PTGER4: variants seen among roughly 807,000 people sequenced by gnomAD.
PTGER4 encodes prostaglandin E receptor 4.
Under a neutral mutation model 33.2 loss-of-function variants are expected in PTGER4, and 11 were observed. That is an observed-to-expected ratio of 0.33 (90% CI 0.21 to 0.55). The LOEUF (loss-of-function observed/expected upper bound fraction) is 0.55, where lower values mean the gene tolerates loss of function less well. PTGER4 is among the 20% of genes least tolerant of loss of function. The probability of loss-of-function intolerance (pLI) is 0.92; values close to 1 mark genes in which losing one functional copy is unlikely to be tolerated. For synonymous variants in PTGER4, 275 were observed against 281.5 expected, an observed-to-expected ratio of 0.98 and a Z score of 0.23; for missense variants, 481 against 650.2, an observed-to-expected ratio of 0.74 and a Z score of 2.83.
intron 2 of PTGER4, among the ~76,000 whole-genome samples, chr5:40,682,098 T>C (rs1198526837): frequency 6.6e-6 from 1 of 150,932 alleles, no homozygotes; most frequent in Non-Finnish European, 1.5e-5. Context: ...CCCGGAAGCC[T>C]GGGTTTCTTT....
chr5:40,695,085 T>C (rs1308618852), downstream of PTGER4, among the ~76,000 whole-genome samples: 1 of 137,228 alleles, frequency 7.3e-6, no homozygotes, highest in Non-Finnish European at 1.6e-5. Context: ...AGATCAAGTG[T>C]GTTAGAAAAG....
At position 40,691,790 on chromosome 5, in the gene PTGER4, C is replaced by T. The variant is rs1250852441; in HGVS notation, c.879C>T (p.Phe293=). 3.7e-6 allele frequency: 6 copies of T among 1,612,760 alleles called. No homozygotes were observed. Among genetic ancestry groups the T allele is most frequent in the East Asian group, 4.5e-5 (2 of 44,860 alleles). The change falls in exon 3 of 3, where the codon TTC becomes TTT. Residue 293 remains phenylalanine (F), a synonymous_variant. Coordinates refer to ENST00000302472, the MANE Select transcript of PTGER4 (RefSeq NM_000958.3). This position sits in a 1 kb window ranked among gnomAD's most constrained non-coding sequence, Gnocchi z 4.2. ...TCTCACTTATGCAGGTGCGAGTATT[C>T]GTCAACCAGTTATATCAGCCAAGTT... ...ICSIPLVVRV[F]VNQLYQPSLE...
At chr5:40,723,507 CAAATT>C in the PTGER4 span, among the ~76,000 whole-genome samples, 4 of 98,086 alleles carry the variant, frequency 4.1e-5, no homozygotes, top group Admixed American at 1.3e-4. Flanking sequence ...AAAGCTAACT[CAAATT>C]AAAAAAAAAA....
At chr5:40,739,137 A>ATG in the PTGER4 span, among the ~76,000 whole-genome samples, 7 of 152,004 alleles carry the variant, frequency 4.6e-5, no homozygotes, top group Non-Finnish European at 1.0e-4. Context: ...CTAGTACTAT[A>ATG]AAGGTATAAC....
At chr5:40,724,356 A>C in the PTGER4 span, among the ~76,000 whole-genome samples, 1 of 152,132 alleles carries the variant, frequency 6.6e-6, no homozygotes, top group African/African-American at 2.4e-5. Context: ...ATTGTGAGGC[A>C]AGGCACAGTG....
the PTGER4 span, among the ~76,000 whole-genome samples, chr5:40,723,934 AT>A: frequency 1.3e-5 from 2 of 152,208 alleles, no homozygotes; most frequent in Non-Finnish European, 2.9e-5. Flanking sequence ...ACCCTTGTAT[AT>A]TGTTAGTAAA....
At chr5:40,728,977 AG>A in the PTGER4 span, among the ~76,000 whole-genome samples, 44 of 152,308 alleles carry the variant, frequency 2.9e-4, no homozygotes, top group Non-Finnish European at 5.1e-4. Flanking sequence ...GGTTAGGGTT[AG>A]GGTTAGGGTT....
chr5:40,696,708 T>A (rs1377326172), downstream of PTGER4: 1 of 984,608 alleles, frequency 1.0e-6, no homozygotes, highest in Non-Finnish European at 1.2e-6. Flanking sequence ...CACCAGTCAC[T>A]TTTCCTAAGA....
chr5:40,739,470 G>A, the PTGER4 span, among the ~76,000 whole-genome samples: 3 of 152,142 alleles, frequency 2.0e-5, no homozygotes, highest in African/African-American at 4.8e-5. Context: ...TCTGGTGGGA[G>A]GTGATTGGAT....
chr5:40,694,351 ATT>A (rs1741540237), downstream of PTGER4, among the ~76,000 whole-genome samples: 1 of 152,102 alleles, frequency 6.6e-6, no homozygotes, highest in Non-Finnish European at 1.5e-5. Flanking sequence ...ATGCCCGGCC[ATT>A]TTTACATTTT....
downstream of PTGER4, among the ~76,000 whole-genome samples, chr5:40,695,529 C>T (rs1304600189): frequency 2.0e-5 from 3 of 150,652 alleles, no homozygotes; most frequent in Admixed American, 2.0e-4. Context: ...CTGGGCGACA[C>T]AGCGAGACTG....
In PTGER4 at chr5:40,692,316, G is replaced by A; in HGVS notation, c.1405G>A (p.Gly469Arg). The part of the protein sequence containing the change: ...GSGRAGPAPK[G>R]SSLQVTFPSE... ...CGGCAGGGCTGGGCCTGCCCCTAAGGGGAGCTCCCTGCAAGTCACATTTCC... is the reference window on the plus strand; with the variant it reads ...CGGCAGGGCTGGGCCTGCCCCTAAGAGGAGCTCCCTGCAAGTCACATTTCC... The change falls in exon 3 of 3, where the codon GGG becomes AGG. Residue 469 changes from glycine (G) to arginine (R), a missense_variant. By Grantham distance (125) the Gly-to-Arg change is moderately radical. This residue lies in a region of PTGER4 where 172 missense variants were observed against 199.2 expected (regional missense o/e 0.86). Transcript: ENST00000302472. The A allele has an allele frequency of 6.2e-7, 1 of 1,612,356 alleles. No homozygotes were observed. The highest frequency in any genetic ancestry group is 1.1e-5 in the South Asian group (1 of 90,944).
chr5:40,710,769 C>G, the PTGER4 span, among the ~76,000 whole-genome samples: 75 of 152,256 alleles, frequency 4.9e-4, no homozygotes, highest in African/African-American at 1.8e-3. Flanking sequence ...GAGTTCATGT[C>G]CTTTGTAGGG....
the PTGER4 span, among the ~76,000 whole-genome samples, chr5:40,709,288 C>T: frequency 5.9e-5 from 9 of 152,256 alleles, no homozygotes; most frequent in Admixed American, 2.0e-4. Flanking sequence ...AAAACCCCAT[C>T]GTCTCAGATC....
At chr5:40,716,555 C>A in the PTGER4 span, 1 of 1,156,422 alleles carries the variant, frequency 8.6e-7, no homozygotes, top group African/African-American at 1.5e-5. Flanking sequence ...ATGTTTAATA[C>A]AATCCTGTGT....
the PTGER4 span, among the ~76,000 whole-genome samples, chr5:40,718,439 T>C: frequency 6.6e-6 from 1 of 151,148 alleles, no homozygotes; most frequent in African/African-American, 2.4e-5. Flanking sequence ...TACACAGAGA[T>C]AGGTATATAA....
At chr5:40,682,764 A>G (rs895334527) in intron 2 of PTGER4, among the ~76,000 whole-genome samples, 1 of 152,204 alleles carries the variant, frequency 6.6e-6, no homozygotes, top group African/African-American at 2.4e-5. Flanking sequence ...ACAGCTTGTA[A>G]TGGACCTTAG....
At chr5:40,703,668 G>T in the PTGER4 span, among the ~76,000 whole-genome samples, 1 of 151,936 alleles carries the variant, frequency 6.6e-6, no homozygotes, top group Non-Finnish European at 1.5e-5. Flanking sequence ...ACTTTGGGAG[G>T]CCGAGGTGGA....
chr5:40,697,234 GAA>G (rs775347778), downstream of PTGER4, among the ~76,000 whole-genome samples: 1,551 of 73,088 alleles, frequency 0.021, 25 homozygotes, highest in Admixed American at 0.028. Context: ...AGAAAAGAAA[GAA>G]AGAAAGAAAG....
Sources: gnomAD v4.1 joint callset for allele counts (sites outside exome capture counted in the v4.1 genomes callset) on GRCh38, gnomAD v4.1.1 for gene constraint, gnomAD v4.1.1 regional missense constraint, Gnocchi (gnomAD v3.1) non-coding constraint, MANE v1.5 for transcripts, NCBI Gene and HGNC (gene_info 2026-07-23, HGNC 2026-07-21) for gene names.